Variants in TF observed in about 807,000 individuals in gnomAD.
TF encodes the protein serotransferrin.
In TF, 55 loss-of-function variants were observed where a neutral mutation model predicts 82.4. The ratio of observed to expected loss-of-function variants is 0.67; its 90% CI spans 0.54 to 0.84. TF has a LOEUF of 0.84. TF is among the 40% of genes least tolerant of loss of function. The probability of loss-of-function intolerance (pLI) is 0.00; values close to 1 mark genes in which losing one functional copy is unlikely to be tolerated. For missense variants in TF, 737 were observed against 868.4 expected, an observed-to-expected ratio of 0.85 and a Z score of 1.90; for synonymous variants, 332 against 332.6, an observed-to-expected ratio of 1.00 and a Z score of 0.02.
At chr3:133,676,775 G>C in the TF span, among the ~76,000 whole-genome samples, 2 of 152,242 alleles carry the variant, frequency 1.3e-5, no homozygotes, top group African/African-American at 4.8e-5. Flanking sequence ...AATTCTTCTT[G>C]AGTAGGGCTT....
the TF span, among the ~76,000 whole-genome samples, chr3:133,721,132 A>G: frequency 6.6e-6 from 1 of 151,830 alleles, no homozygotes; most frequent in Non-Finnish European, 1.5e-5. Flanking sequence ...TCCTTCTACC[A>G]ATTTCAGGTT....
At chr3:133,705,091 A>G in the TF span, among the ~76,000 whole-genome samples, 5 of 152,188 alleles carry the variant, frequency 3.3e-5, no homozygotes, top group Admixed American at 2.0e-4. Flanking sequence ...CCTGGCCAAC[A>G]TGGCGAAACC....
At chr3:133,757,206 C>T (rs8177234) in intron 7 of TF, among the ~76,000 whole-genome samples, 197 bp downstream of exon 7, 1,711 of 152,336 alleles carry the variant, frequency 0.011, 37 homozygotes, top group African/African-American at 0.039. Flanking sequence ...CTACCGTCTG[C>T]CGCCCTTGCC....
intron 2 of TF, among the ~76,000 whole-genome samples, chr3:133,749,798 T>A (rs766079160): frequency 6.6e-6 from 1 of 152,212 alleles, no homozygotes; most frequent in Non-Finnish European, 1.5e-5. Flanking sequence ...ATTCAGTAAC[T>A]GCTGACAGTG....
At chr3:133,777,362 T>C in intron 16 of TF, 124 bp downstream of exon 16, 1 of 901,308 alleles carries the variant, frequency 1.1e-6, no homozygotes, top group Non-Finnish European at 1.8e-6. Context: ...CAAAATGAAA[T>C]GGTGAGTGAA....
the TF span, among the ~76,000 whole-genome samples, chr3:133,707,944 A>G: frequency 2.0e-5 from 3 of 152,198 alleles, no homozygotes; most frequent in Non-Finnish European, 4.4e-5. Flanking sequence ...TTGGGTTTTT[A>G]AATATTGGGA....
the TF span, among the ~76,000 whole-genome samples, chr3:133,740,523 G>C: frequency 6.6e-6 from 1 of 152,082 alleles, no homozygotes; most frequent in Non-Finnish European, 1.5e-5. Flanking sequence ...TATACACGGG[G>C]TTTCACCATT....
chr3:133,733,240 G>A, the TF span, among the ~76,000 whole-genome samples: 160 of 151,554 alleles, frequency 1.1e-3, 1 homozygote, highest in South Asian at 0.022. Flanking sequence ...TTCCACTCCC[G>A]AGCATCTACT....
intron 12 of TF, among the ~76,000 whole-genome samples, chr3:133,766,845 C>T (rs1328838016): frequency 6.6e-6 from 1 of 152,112 alleles, no homozygotes; most frequent in Non-Finnish European, 1.5e-5. Context: ...GCCCCAGTCA[C>T]CAAGGGGTTA....
the TF span, among the ~76,000 whole-genome samples, chr3:133,716,422 T>G: frequency 1.3e-5 from 2 of 152,182 alleles, no homozygotes; most frequent in African/African-American, 4.8e-5. Flanking sequence ...ATTTTTCATT[T>G]TGGAAAAAAT....
the TF span, among the ~76,000 whole-genome samples, chr3:133,672,601 G>A: frequency 6.6e-6 from 1 of 151,954 alleles, no homozygotes; most frequent in African/African-American, 2.4e-5. Context: ...GTGGTGCACT[G>A]CTGTAGCCCC....
the TF span, among the ~76,000 whole-genome samples, chr3:133,684,625 A>G: frequency 6.6e-6 from 1 of 152,242 alleles, no homozygotes; most frequent in Admixed American, 6.5e-5. Flanking sequence ...AAATTCCTGG[A>G]CACATACCCC....
chr3:133,724,968 A>C, the TF span, among the ~76,000 whole-genome samples: 1 of 151,960 alleles, frequency 6.6e-6, no homozygotes, highest in Non-Finnish European at 1.5e-5. Context: ...ATAGTTGTAG[A>C]TATGTGGCGT....
chr3:133,754,674 A>T lies in TF; in HGVS notation c.502+3A>T. 1 of 1,614,130 alleles carries T rather than the reference A, an allele frequency of 6.2e-7. No homozygotes were observed. Among genetic ancestry groups the T allele is most frequent in the Middle Eastern group, 1.7e-4 (1 of 6,022 alleles). ...GCCACGTAAACCTCTTGAGAAAGGT[A>T]AGCTGGCAGGAGTCTGGGTGCCCTC... On this transcript the variant is annotated splice_donor_region_variant and intron_variant, in intron 4 of 16. Coordinates refer to ENST00000402696, the MANE Select transcript of TF (RefSeq NM_001063.4).
At chr3:133,683,758 C>T in the TF span, among the ~76,000 whole-genome samples, 7 of 152,298 alleles carry the variant, frequency 4.6e-5, no homozygotes, top group East Asian at 1.9e-4. Flanking sequence ...TAATGGGAGA[C>T]TTTAACACCC....
rs1284815476 is a variant in TF, at chr3:133,754,641, T to G, written c.472T>G (p.Leu158Val). ...CCCCATAGGCTTACTTTACTGTGAC[T>G]TACCTGAGCCACGTAAACCTCTTGA... is the stretch of plus-strand genomic sequence containing the variant. ...NIPIGLLYCD[L>V]PEPRKPLEKA... The change falls in exon 4 of 17, where the codon TTA (leucine) becomes GTA (valine). Residue 158 changes from leucine to valine, a missense_variant. By Grantham distance (32) the Leu-to-Val change is conservative (BLOSUM62 1). Transcript: ENST00000402696. The G allele has an allele frequency of 4.3e-6, 7 of 1,614,204 alleles. No homozygotes were observed. The highest frequency in any genetic ancestry group is 5.9e-6 in the Non-Finnish European group (7 of 1,180,032).
chr3:133,724,359 A>C, the TF span, among the ~76,000 whole-genome samples: 3 of 152,124 alleles, frequency 2.0e-5, no homozygotes, highest in African/African-American at 7.2e-5. Flanking sequence ...TAACTGGTGT[A>C]AGATGGTATC....
the TF span, among the ~76,000 whole-genome samples, chr3:133,671,801 A>G: frequency 6.6e-6 from 1 of 151,580 alleles, no homozygotes; most frequent in Non-Finnish European, 1.5e-5. Context: ...AAAAGAAAAA[A>G]AAAAAAAAAG....
the TF span, chr3:133,709,665 T>C: frequency 6.4e-6 from 1 of 156,006 alleles, no homozygotes; most frequent in Non-Finnish European, 1.4e-5. Context: ...GTCCTGTAAA[T>C]GTGGTGAGTA....
Sources: gnomAD v4.1 joint callset for allele counts (sites outside exome capture counted in the v4.1 genomes callset) on GRCh38, gnomAD v4.1.1 for gene constraint, MANE v1.5 for transcripts, NCBI Gene and HGNC (gene_info 2026-07-23, HGNC 2026-07-21) for gene names.